The following STRADA variants were observed in gnomAD, a reference collection of about 807,000 sequenced individuals.
STRADA encodes STE20-related kinase adapter protein alpha.
In STRADA, 26 loss-of-function variants were observed where a neutral mutation model predicts 55.0. That is an observed-to-expected ratio of 0.47 (90% CI 0.35 to 0.66). The LOEUF is 0.66. Among genes scored for constraint, STRADA ranks in the 30% least tolerant of loss-of-function variants. STRADA has a pLI of 0.01. For synonymous variants in STRADA, 197 were observed against 210.9 expected, an observed-to-expected ratio of 0.93 and a Z score of 0.57; for missense variants, 443 against 549.7, an observed-to-expected ratio of 0.81 and a Z score of 1.94.
At chr17:63,713,600 A>C in intron 5 of STRADA, 73 bp from the exon 6 acceptor site, 1 of 1,568,906 alleles carries the variant, frequency 6.4e-7, no homozygotes, top group Non-Finnish European at 8.6e-7. Flanking sequence ...TCCTTTAAAA[A>C]AGGGACTTGA....
intron 6 of STRADA, 35 bp downstream of exon 6, chr17:63,713,371 C>G: frequency 1.2e-6 from 2 of 1,604,650 alleles, no homozygotes; most frequent in Non-Finnish European, 1.7e-6. Flanking sequence ...CAAGAGCCCA[C>G]CCTCCCTCCA....
intron 2 of STRADA, chr17:63,727,026 T>C (rs1819726347): frequency 3.5e-6 from 1 of 287,030 alleles, no homozygotes; most frequent in African/African-American, 2.2e-5. Context: ...GGATCACTGA[T>C]GTCAATTTGA....
At chr17:63,722,529 G>C (rs554251077) in intron 4 of STRADA, among the ~76,000 whole-genome samples, 5 of 152,362 alleles carry the variant, frequency 3.3e-5, no homozygotes, top group Admixed American at 6.5e-5. Context: ...CTGATTAGCA[G>C]ATGACATAAG....
chr17:63,714,073 G>C lies in STRADA; in HGVS notation c.159C>G (p.Phe53Leu), dbSNP rs1479468870. ...AGCTACTCATGACCTCCTGTTTAGA[G>C]AAGGATGCTATTGACTCTGAGCTCG... The part of the protein sequence containing the change: ...NDASSESIAS[F>L]SKQEVMSSFL... Residue 53 changes from phenylalanine to leucine, a missense_variant, in exon 5 of 13, where the codon TTC becomes TTG. By Grantham distance (22) the Phe-to-Leu change is conservative. Coordinates refer to ENST00000336174, the MANE Select transcript of STRADA (RefSeq NM_001003787.4). The C allele has an allele frequency of 6.2e-7, 1 of 1,612,438 alleles. No individual in the cohort carries two copies. The highest frequency in any genetic ancestry group is 8.5e-7 in the Non-Finnish European group (1 of 1,179,052).
chr17:63,717,078 G>C lies in STRADA; in HGVS notation c.124-2970C>G, dbSNP rs1470394511. The stretch of plus-strand genomic sequence containing the variant: ...TATGTTAAGAGCTTAGTGCTACCTG[G>C]TGTATAAAAGACATTCAATACATGT... On this transcript the variant is annotated intron_variant, in intron 4 of 12. Transcript: ENST00000336174. 3 of 152,136 alleles carry C rather than the reference G, an allele frequency of 2.0e-5. No individual in the cohort carries two copies. The East Asian group carries it at 5.8e-4, about 29-fold the overall frequency. The allele number at this position is 152,136 out of a possible 1,614,324, so 9.4% of individuals were successfully genotyped here.
At position 63,710,713 on chromosome 17, in the gene STRADA, C is replaced by T. The variant is rs2036439915; in HGVS notation, c.457+15G>A. The T allele has an allele frequency of 3.1e-6, 5 of 1,613,972 alleles. No individual in the cohort carries two copies. The highest frequency in any genetic ancestry group is 4.2e-6 in the Non-Finnish European group (5 of 1,179,930). On this transcript the variant is annotated intron_variant, in intron 7 of 12. Transcript: ENST00000336174. ...CCCAATAACCCCTTTCTACCAAGAA[C>T]CCTTTCCCACTCACCGTATGCCATG... is the stretch of plus-strand genomic sequence containing the variant.
At chr17:63,713,651 C>A in intron 5 of STRADA, 124 bp from the exon 6 acceptor site, 3 of 979,844 alleles carry the variant, frequency 3.1e-6, no homozygotes, top group East Asian at 6.2e-5. Flanking sequence ...ACTACTGTTA[C>A]TTTTTTTTTT....
chr17:63,728,041 T>G (rs2137143), intron 2 of STRADA: 291,068 of 303,332 alleles, frequency 0.96, 139,737 homozygotes, highest in East Asian at 1. Context: ...CGTCTACACT[T>G]AAAAGTATCA....
At chr17:63,739,167 G>T (rs1179835554) in intron 1 of STRADA, among the ~76,000 whole-genome samples, 1 of 137,780 alleles carries the variant, frequency 7.3e-6, no homozygotes, top group Non-Finnish European at 1.5e-5. Context: ...AAAAAAAAGG[G>T]AAATAGACAC....
chr17:63,709,298 C>T (rs1016669543), intron 8 of STRADA, among the ~76,000 whole-genome samples: 1 of 152,240 alleles, frequency 6.6e-6, no homozygotes, highest in African/African-American at 2.4e-5. Context: ...CGCTGCCAGT[C>T]TCATGTGTAT....
upstream of STRADA, chr17:63,741,942 G>A (rs2038987118): frequency 1.3e-5 from 2 of 152,260 alleles, no homozygotes; most frequent in Non-Finnish European, 2.9e-5. Flanking sequence ...CCGCGGCTGC[G>A]GCAGGCCCTA....
intron 1 of STRADA, among the ~76,000 whole-genome samples, chr17:63,738,246 TAGG>T (rs1023821632): frequency 5.3e-4 from 73 of 137,776 alleles, no homozygotes; most frequent in African/African-American, 2.0e-3. Context: ...GAGGCTGAGG[TAGG>T]AGAATTGCTT....
chr17:63,718,454 T>A lies in STRADA; in HGVS notation c.124-4346A>T, dbSNP rs147155219. Among the ~76,000 whole-genome samples, 864 of 152,326 alleles carry A rather than the reference T, an allele frequency of 5.7e-3. 4 individuals carry two copies. Among genetic ancestry groups the A allele is most frequent in the Admixed American group, 8.5e-3 (130 of 15,302 alleles). ...CTTGAAGTGTCTCATTTTCTCAACC[T>A]TATATACGCCTAACTCCTGCACATA... is the stretch of plus-strand genomic sequence containing the variant. On this transcript the variant is annotated intron_variant, in intron 4 of 12. Transcript: ENST00000336174.
At chr17:63,717,569 C>T (rs1159370737) in intron 4 of STRADA, among the ~76,000 whole-genome samples, 2 of 152,142 alleles carry the variant, frequency 1.3e-5, no homozygotes, top group Non-Finnish European at 2.9e-5. Flanking sequence ...CAACCTCTGC[C>T]TCCTGGGTTC....
intron 2 of STRADA, chr17:63,727,004 T>C (rs1405092944): frequency 1.7e-5 from 6 of 343,896 alleles, no homozygotes; most frequent in East Asian, 5.3e-5. Flanking sequence ...CGTTCTACAT[T>C]ACAGATGCCT....
At chr17:63,729,650 AT>A (rs1423078075) in intron 1 of STRADA, among the ~76,000 whole-genome samples, 3 of 151,928 alleles carry the variant, frequency 2.0e-5, no homozygotes, top group African/African-American at 7.2e-5. Context: ...TTAGCCAGGC[AT>A]GGTGACAGGC....
intron 3 of STRADA, among the ~76,000 whole-genome samples, chr17:63,725,120 A>G (rs916495528): frequency 6.6e-6 from 1 of 151,954 alleles, no homozygotes; most frequent in Non-Finnish European, 1.5e-5. Flanking sequence ...AATCCCAGCT[A>G]CTCAGGAGGG....
intron 1 of STRADA, among the ~76,000 whole-genome samples, chr17:63,730,288 C>G (rs1051415251): frequency 3.3e-5 from 5 of 152,130 alleles, no homozygotes; most frequent in Non-Finnish European, 7.3e-5. Context: ...TTTCCATACC[C>G]TCAAACCCAT....
At chr17:63,739,367 T>C (rs1374792643) in intron 1 of STRADA, among the ~76,000 whole-genome samples, 4 of 152,054 alleles carry the variant, frequency 2.6e-5, no homozygotes, top group South Asian at 4.1e-4. Flanking sequence ...ACTTTTCTAT[T>C]TTCAGATTGA....
Sources: allele counts gnomAD v4.1 joint callset (sites outside exome capture counted in the v4.1 genomes callset), GRCh38; gene constraint gnomAD v4.1.1; transcripts MANE v1.5; gene names NCBI Gene and HGNC (gene_info 2026-07-23, HGNC 2026-07-21).